Variants in GPC3 observed in about 807,000 individuals in gnomAD.
GPC3 encodes glypican-3.
GPC3 carries 3 observed loss-of-function variants against 34.4 expected under a neutral mutation model. The observed-to-expected ratio is 0.09, with a 90% CI of 0.04 to 0.23. The LOEUF (loss-of-function observed/expected upper bound fraction) is 0.23. Ranked by LOEUF, GPC3 falls within the 10% of genes least tolerant of loss-of-function variation. The probability of loss-of-function intolerance (pLI) is 1.00; values close to 1 mark genes in which losing one functional copy is unlikely to be tolerated. For synonymous variants in GPC3, 177 were observed against 174.0 expected (o/e 1.02, Z -0.13); for missense variants, 351 against 445.6 (o/e 0.79, Z 1.91).
intron 5 of GPC3, among the ~76,000 whole-genome samples, chrX:133,679,129 T>C (rs771332327): frequency 3.6e-5 from 4 of 111,725 alleles, no homozygotes; most frequent in African/African-American, 1.3e-4. Flanking sequence ...TTCATGGGGA[T>C]AGGTGGATTT....
chrX:133,584,930 C>CAAAAAAAAAAAAAA (rs68159308), intron 7 of GPC3, among the ~76,000 whole-genome samples: 29 of 68,227 alleles, frequency 4.3e-4, no homozygotes, highest in Non-Finnish European at 6.4e-4. Context: ...TATAAAAAGC[C>CAAAAAAAAAAAAAA]AAAAAAAAAA....
intron 7 of GPC3, among the ~76,000 whole-genome samples, chrX:133,562,893 A>T (rs2069551524): frequency 4.5e-3 from 1 of 222 alleles, no homozygotes; most frequent in South Asian, 0.14. Context: ...CAGTCCTTCA[A>T]ATCTGAGCCT....
intron 5 of GPC3, among the ~76,000 whole-genome samples, chrX:133,663,572 ACT>A (rs774725843): frequency 1.8e-5 from 2 of 110,973 alleles, no homozygotes; most frequent in Non-Finnish European, 3.8e-5. Context: ...TTGAACTATG[ACT>A]CTCACATGAT....
chrX:133,659,636 G>A (rs372814660), intron 6 of GPC3, among the ~76,000 whole-genome samples: 3 of 111,902 alleles, frequency 2.7e-5, no homozygotes, highest in East Asian at 5.6e-4. Context: ...AGGAGGCTGT[G>A]AGGACAGAGG....
At chrX:133,579,325 C>T (rs1415332942) in intron 7 of GPC3, among the ~76,000 whole-genome samples, 2 of 112,134 alleles carry the variant, frequency 1.8e-5, no homozygotes, top group Non-Finnish European at 3.8e-5. Context: ...CCAAGACCCC[C>T]AACTACACTA....
At chrX:133,795,371 T>C (rs939038787) in intron 2 of GPC3, among the ~76,000 whole-genome samples, 2 of 111,322 alleles carry the variant, frequency 1.8e-5, no homozygotes, top group African/African-American at 6.5e-5. Flanking sequence ...AGGCAGAGAG[T>C]CTGCTTACGC....
Position 133,581,582 on chromosome X carries a change from T to A in GPC3, c.1573+14858A>T, listed in dbSNP as rs12858718. Reference sequence around the variant, plus strand: ...ATTTACAGATAAAAATATAAAATACTCTTCATTATAAATTTTATTTAGCCA... The same window carrying A: ...ATTTACAGATAAAAATATAAAATACACTTCATTATAAATTTTATTTAGCCA... On this transcript the variant is annotated intron_variant, in intron 7 of 7. Transcript: ENST00000370818. 7.1e-5 allele frequency among the ~76,000 whole-genome samples: 8 copies of A among 112,594 alleles called. No individual in the cohort carries two copies. The South Asian group carries it at 2.9e-3, about 41-fold the overall frequency.
chrX:133,659,315 A>G (rs2070695925), intron 6 of GPC3, among the ~76,000 whole-genome samples: 1 of 111,986 alleles, frequency 8.9e-6, no homozygotes, highest in Non-Finnish European at 1.9e-5. Context: ...CTTGCTATAA[A>G]TATTTTTTAG....
At chrX:133,657,742 A>G (rs2070677459) in intron 6 of GPC3, among the ~76,000 whole-genome samples, 1 of 111,143 alleles carries the variant, frequency 9.0e-6, no homozygotes, top group Non-Finnish European at 1.9e-5. Flanking sequence ...TTATTCCCTT[A>G]GTGGGTATAT....
At chrX:133,586,736 A>G (rs1277455093) in intron 7 of GPC3, among the ~76,000 whole-genome samples, 1 of 112,445 alleles carries the variant, frequency 8.9e-6, no homozygotes, top group Non-Finnish European at 1.9e-5. Context: ...ACCCTGGGCT[A>G]AAAACAAGTT....
At chrX:133,627,493 T>C (rs2070317938) in intron 6 of GPC3, among the ~76,000 whole-genome samples, 1 of 111,639 alleles carries the variant, frequency 9.0e-6, no homozygotes, top group African/African-American at 3.3e-5. Context: ...GCCAGAAACA[T>C]GGCATAGGAG....
chrX:133,744,169 T>C (rs1165681996), intron 3 of GPC3, among the ~76,000 whole-genome samples: 1 of 111,978 alleles, frequency 8.9e-6, no homozygotes, highest in African/African-American at 3.2e-5. Flanking sequence ...ATATGGGATC[T>C]AATTAAACTA....
intron 2 of GPC3, among the ~76,000 whole-genome samples, chrX:133,856,556 C>T (rs775065531): frequency 3.6e-5 from 4 of 111,252 alleles, no homozygotes; most frequent in South Asian, 3.8e-4. Flanking sequence ...TTTCCACATT[C>T]TCTGCTACAA....
intron 2 of GPC3, among the ~76,000 whole-genome samples, chrX:133,830,063 C>A (rs777536143): frequency 1.1e-3 from 125 of 111,799 alleles, no homozygotes; most frequent in Non-Finnish European, 2.1e-3. Context: ...CCCAGAATAA[C>A]CAAAACAATT....
At chrX:133,715,461 T>C (rs899920079) in intron 3 of GPC3, among the ~76,000 whole-genome samples, 1 of 111,640 alleles carries the variant, frequency 9.0e-6, no homozygotes, top group African/African-American at 3.3e-5. Context: ...TATGCATCTA[T>C]CCTATTAGTT....
At chrX:133,672,974 C>T (rs2124412525) in intron 5 of GPC3, among the ~76,000 whole-genome samples, 1 of 102,727 alleles carries the variant, frequency 9.7e-6, no homozygotes, top group South Asian at 4.6e-4. Flanking sequence ...TGGAGTCTTG[C>T]TCTGTTGCCC....
chrX:133,564,814 G>T (rs1184683100), intron 7 of GPC3, among the ~76,000 whole-genome samples: 1 of 111,969 alleles, frequency 8.9e-6, no homozygotes, highest in Non-Finnish European at 1.9e-5. Context: ...GATATAAAAT[G>T]ACTTCCAAAA....
At chrX:133,786,860 G>A (rs2072107530) in intron 2 of GPC3, among the ~76,000 whole-genome samples, 1 of 111,294 alleles carries the variant, frequency 9.0e-6, no homozygotes, top group African/African-American at 3.3e-5. Context: ...ATTTTTAACT[G>A]AACTAAGGAG....
At chrX:133,600,674 A>G (rs1409634733) in intron 6 of GPC3, among the ~76,000 whole-genome samples, 1 of 111,544 alleles carries the variant, frequency 9.0e-6, no homozygotes. Context: ...AAAGAAGGGT[A>G]ATGGGTCAGA....
Sources: gnomAD v4.1 joint callset for allele counts (sites outside exome capture counted in the v4.1 genomes callset) on GRCh38, gnomAD v4.1.1 for gene constraint, MANE v1.5 for transcripts, NCBI Gene and HGNC (gene_info 2026-07-23, HGNC 2026-07-21) for gene names.